The following CFAP92 variants were observed in gnomAD, a reference collection of about 807,000 sequenced individuals.
CFAP92 encodes the protein uncharacterized protein CFAP92.
CFAP92 carries 86 observed loss-of-function variants against 106.3 expected under a neutral mutation model. The ratio of observed to expected loss-of-function variants is 0.81; its 90% confidence interval spans 0.68 to 0.97. The LOEUF is 0.97. Ranked by LOEUF, CFAP92 falls within the 50% of genes least tolerant of loss-of-function variation. The probability of loss-of-function intolerance (pLI) is 0.00; values close to 1 mark genes in which losing one functional copy is unlikely to be tolerated. For missense variants in CFAP92, 1,204 were observed against 1,283.8 expected (o/e 0.94, Z 0.95); for synonymous variants, 477 against 506.4 (o/e 0.94, Z 0.78).
chr3:128,922,323 A>G (rs941728909), intron 12 of CFAP92, among the ~76,000 whole-genome samples: 3 of 151,780 alleles, frequency 2.0e-5, no homozygotes, highest in Admixed American at 1.3e-4. Context: ...AGCCTGGGCA[A>G]TAGAGCAAGG....
At chr3:128,978,879 C>A (rs1943339058) in intron 4 of CFAP92, among the ~76,000 whole-genome samples, 1 of 152,306 alleles carries the variant, frequency 6.6e-6, no homozygotes, top group Non-Finnish European at 1.5e-5. Flanking sequence ...CATTACCATT[C>A]AGGACATAGG....
intron 1 of CFAP92, among the ~76,000 whole-genome samples, chr3:129,000,599 T>C (rs1944679090): frequency 6.6e-6 from 1 of 152,040 alleles, no homozygotes; most frequent in South Asian, 2.1e-4. Context: ...ACCCCTCTCG[T>C]GAAAAAGAAA....
intron 4 of CFAP92, among the ~76,000 whole-genome samples, chr3:128,981,908 C>T (rs192582031): frequency 6.6e-6 from 1 of 152,298 alleles, no homozygotes; most frequent in Non-Finnish European, 1.5e-5. Flanking sequence ...TTTAAATATT[C>T]AGTAAACCAT....
chr3:129,022,369 C>T, the CFAP92 span, among the ~76,000 whole-genome samples: 2 of 152,188 alleles, frequency 1.3e-5, no homozygotes, highest in Admixed American at 6.5e-5. Context: ...CCCAGGTTTG[C>T]GGCTCCTCAG....
chr3:128,930,534 T>G (rs1332798420), intron 12 of CFAP92, among the ~76,000 whole-genome samples: 1 of 149,432 alleles, frequency 6.7e-6, no homozygotes, highest in African/African-American at 2.5e-5. Flanking sequence ...GTGGATCACT[T>G]GAGGCCAGGA....
In CFAP92 at chr3:128,945,454, G is replaced by A; in HGVS notation, c.1875C>T (p.Tyr625=). ...HQHGPMPRGN[Y]LEADSQLKLR... ...ACTTGAGCTGGGAGTCAGCCTCTAGGTAGTTGCCCCTGGGCATTGGGCCGT... is the reference window on the plus strand; with the variant it reads ...ACTTGAGCTGGGAGTCAGCCTCTAGATAGTTGCCCCTGGGCATTGGGCCGT... The change falls in exon 10 of 16, where the codon TAC becomes TAT. Residue 625 remains tyrosine, a synonymous_variant. Transcript: ENST00000645291. The A allele has an allele frequency of 6.5e-7, 1 of 1,536,158 alleles. No homozygotes were observed. The highest frequency in any genetic ancestry group is 2.0e-5 in the Admixed American group (1 of 51,000).
intron 9 of CFAP92, among the ~76,000 whole-genome samples, chr3:128,954,937 G>A (rs1229711809): frequency 3.1e-4 from 10 of 31,860 alleles, no homozygotes; most frequent in African/African-American, 5.5e-4. Context: ...CCCCCCGCCC[G>A]GCCAGCCGCC....
At chr3:128,916,068 G>A in intron 13 of CFAP92, 39 bp downstream of exon 13, 1 of 1,227,614 alleles carries the variant, frequency 8.1e-7, no homozygotes, top group Non-Finnish European at 1.0e-6. Context: ...AGAACTCATG[G>A]GATTTGCCAA....
intron 9 of CFAP92, among the ~76,000 whole-genome samples, chr3:128,949,833 C>T (rs116233316): frequency 0.039 from 5,990 of 152,172 alleles, 295 homozygotes; most frequent in African/African-American, 0.11. Context: ...ATCACAGGCA[C>T]GTGCCACCAC....
intron 10 of CFAP92, among the ~76,000 whole-genome samples, chr3:128,942,609 G>A (rs989008459): frequency 1.3e-5 from 2 of 152,108 alleles, no homozygotes; most frequent in Non-Finnish European, 2.9e-5. Flanking sequence ...CGCCTCCCAG[G>A]AGCCAAGGGC....
chr3:128,932,151 A>T (rs183353818), intron 12 of CFAP92, among the ~76,000 whole-genome samples: 70 of 152,314 alleles, frequency 4.6e-4, no homozygotes, highest in Middle Eastern at 6.8e-3. Flanking sequence ...GACCACAGGC[A>T]CACAACTCCA....
intron 2 of CFAP92, among the ~76,000 whole-genome samples, chr3:128,990,076 G>A (rs1174286473): frequency 6.6e-6 from 1 of 152,204 alleles, no homozygotes; most frequent in East Asian, 1.9e-4. Flanking sequence ...AATGTCTATC[G>A]CAGAATTGCA....
the CFAP92 span, among the ~76,000 whole-genome samples, chr3:129,022,370 G>A: frequency 7.9e-5 from 12 of 152,208 alleles, 1 homozygote; most frequent in South Asian, 6.2e-4. Context: ...CCAGGTTTGC[G>A]GCTCCTCAGA....
In CFAP92 at chr3:128,993,292, C is replaced by A. The variant is rs1210106792; in HGVS notation, c.13G>T (p.Ala5Ser). ...GCGGGGTCCTCTTCCCACTCCCAGG[C>A]ATGTAGCGACATGCTGCAGAGCGCA... Reference protein sequence around the residue: MSLHAWEWEEDPASI... With the variant: MSLHSWEWEEDPASI... The change falls in exon 2 of 16, where the codon GCC (alanine) becomes TCC (serine). Residue 5 changes from alanine to serine, a missense_variant. By Grantham distance (99) the Ala-to-Ser change is moderately conservative (BLOSUM62 1). Transcript: ENST00000645291. 1 of 1,613,242 alleles carries A rather than the reference C, an allele frequency of 6.2e-7. No homozygotes were observed.
At chr3:128,962,736 T>C (rs1297764403) in intron 9 of CFAP92, among the ~76,000 whole-genome samples, 1 of 152,166 alleles carries the variant, frequency 6.6e-6, no homozygotes, top group African/African-American at 2.4e-5. Flanking sequence ...CTGTGATCAC[T>C]CGCCTGCTAC....
At chr3:129,017,346 G>A in the CFAP92 span, among the ~76,000 whole-genome samples, 15 of 152,202 alleles carry the variant, frequency 9.9e-5, no homozygotes, top group Non-Finnish European at 1.5e-4. Flanking sequence ...AACCATAGCC[G>A]ATCACCACAC....
At chr3:129,001,841 C>G in intron 1 of CFAP92, 1 of 1,545,720 alleles carries the variant, frequency 6.5e-7, no homozygotes, top group Non-Finnish European at 8.7e-7. Context: ...GCCGCGGCGC[C>G]GGCCGTCTGC....
Position 128,910,918 on chromosome 3 carries a change from C to A in CFAP92, c.3281-585G>T, listed in dbSNP as rs563061147. ...TCAAGCTCCCAGAGCCTGCTAGCTA[C>A]TCACAGACCTCTGCCTTGAGCGAGG... On this transcript the variant is annotated intron_variant, in intron 15 of 15. Coordinates refer to ENST00000645291, the MANE Select transcript of CFAP92 (RefSeq NM_001394090.1). 106 of 1,344,116 alleles carry A rather than the reference C, an allele frequency of 7.9e-5. 3 individuals are homozygous for A. In the South Asian group the frequency reaches 1.2e-3, roughly 16 times the overall value. The allele number at this position is 1,344,116 out of a possible 1,614,324, so 83.3% of individuals were successfully genotyped here. A position where few individuals can be genotyped will look rare whatever the true frequency, so the allele number is the denominator to read the frequency against.
chr3:128,915,723 A>G (rs1363237260), intron 13 of CFAP92, among the ~76,000 whole-genome samples, 160 bp from the exon 14 acceptor site: 6 of 152,212 alleles, frequency 3.9e-5, no homozygotes, highest in Admixed American at 6.5e-5. Context: ...TGTAAGGGAC[A>G]TATTATTGTC....
Sources: gnomAD v4.1 joint callset for allele counts (sites outside exome capture counted in the v4.1 genomes callset) on GRCh38, gnomAD v4.1.1 for gene constraint, MANE v1.5 for transcripts, NCBI Gene and HGNC (gene_info 2026-07-23, HGNC 2026-07-21) for gene names.